PTPRG: variants seen among roughly 807,000 people sequenced by gnomAD.
The protein encoded by PTPRG is protein tyrosine phosphatase receptor type G, also known as receptor-type tyrosine-protein phosphatase gamma.
In PTPRG, 102 loss-of-function variants were observed where a neutral mutation model predicts 165.3. The ratio of observed to expected loss-of-function variants is 0.62; its 90% CI spans 0.53 to 0.73. The LOEUF is 0.73. Among genes scored for constraint, PTPRG ranks in the 30% least tolerant of loss-of-function variants. The pLI, the probability that PTPRG is intolerant of heterozygous loss-of-function variation, is 0.00. For missense variants in PTPRG, 1,866 were observed against 1,861.4 expected (o/e 1.00, Z -0.05); for synonymous variants, 675 against 669.5 (o/e 1.01, Z -0.13).
intron 2 of PTPRG, among the ~76,000 whole-genome samples, chr3:61,833,492 A>G (rs554953344): frequency 1.3e-5 from 2 of 152,258 alleles, no homozygotes; most frequent in African/African-American, 4.8e-5. Flanking sequence ...GTGTGTGCCA[A>G]TGCCCTGGTG....
intron 1 of PTPRG, among the ~76,000 whole-genome samples, chr3:61,672,125 G>C (rs1198380012): frequency 6.7e-6 from 1 of 149,210 alleles, no homozygotes; most frequent in African/African-American, 2.5e-5. Flanking sequence ...GACGATGGGC[G>C]GCCGGGCAGA....
At chr3:61,998,493 A>G (rs1427253918) in intron 3 of PTPRG, among the ~76,000 whole-genome samples, 3 of 152,342 alleles carry the variant, frequency 2.0e-5, no homozygotes, top group East Asian at 1.9e-4. Flanking sequence ...CAGAATAGGA[A>G]CGAAGGCACC....
At chr3:61,744,147 T>C (rs2033105950) in intron 1 of PTPRG, among the ~76,000 whole-genome samples, 1 of 152,190 alleles carries the variant, frequency 6.6e-6, no homozygotes, top group Non-Finnish European at 1.5e-5. Context: ...TCCTTGCCAA[T>C]AAAATATTAA....
chr3:61,939,910 G>T (rs551312925), intron 2 of PTPRG, among the ~76,000 whole-genome samples: 1 of 129,386 alleles, frequency 7.7e-6, no homozygotes, highest in East Asian at 2.4e-4. Flanking sequence ...CCATGTCTTG[G>T]CTTCCTTACT....
chr3:62,057,455 G>A (rs1207314097), intron 4 of PTPRG, among the ~76,000 whole-genome samples: 4 of 152,190 alleles, frequency 2.6e-5, no homozygotes, highest in East Asian at 1.9e-4. Flanking sequence ...CCTGAGACAC[G>A]TCAAGGTATC....
intron 1 of PTPRG, among the ~76,000 whole-genome samples, chr3:61,579,813 T>C (rs922760753): frequency 3.9e-5 from 6 of 152,238 alleles, no homozygotes; most frequent in Non-Finnish European, 8.8e-5. Context: ...ATCTTCATTT[T>C]CTGGCACTTG....
At chr3:62,154,152 T>C (rs564246565) in intron 6 of PTPRG, among the ~76,000 whole-genome samples, 133 of 152,280 alleles carry the variant, frequency 8.7e-4, no homozygotes, top group Non-Finnish European at 1.6e-3. Context: ...TTAACTTATT[T>C]GAGTTGCTGG....
At chr3:61,900,703 G>A (rs953793674) in intron 2 of PTPRG, among the ~76,000 whole-genome samples, 13 of 152,052 alleles carry the variant, frequency 8.5e-5, no homozygotes, top group African/African-American at 3.1e-4. Flanking sequence ...TGGTTGAGGT[G>A]GTAACAAATA....
chr3:61,602,004 T>C (rs189416417), intron 1 of PTPRG, among the ~76,000 whole-genome samples: 1 of 152,304 alleles, frequency 6.6e-6, no homozygotes, highest in Non-Finnish European at 1.5e-5. Flanking sequence ...ACACTGACGT[T>C]GTCCAGGATG....
chr3:62,239,918 T>C lies in PTPRG; in HGVS notation c.2376-3889T>C, dbSNP rs554388907. On this transcript the variant is annotated intron_variant, in intron 14 of 29. Coordinates refer to ENST00000474889, the MANE Select transcript of PTPRG (RefSeq NM_002841.4). ...GTGATATGCAGCTGCTTTTCTTAGGTATTAAACACAGTGTAGAATTTGTAC... is the reference window on the plus strand; with the variant it reads ...GTGATATGCAGCTGCTTTTCTTAGGCATTAAACACAGTGTAGAATTTGTAC... Among the ~76,000 whole-genome samples, 7 of 152,222 alleles carry C rather than the reference T, an allele frequency of 4.6e-5. No homozygotes were observed. In the East Asian group the frequency reaches 1.4e-3, roughly 29 times the overall value.
chr3:62,248,028 T>C (rs1169250639), intron 15 of PTPRG, among the ~76,000 whole-genome samples: 1 of 152,164 alleles, frequency 6.6e-6, no homozygotes, highest in African/African-American at 2.4e-5. Flanking sequence ...GACTTTTTTT[T>C]TTCCCCTGGT....
chr3:62,004,047 C>G (rs553241374), intron 4 of PTPRG, among the ~76,000 whole-genome samples: 1 of 152,092 alleles, frequency 6.6e-6, no homozygotes, highest in East Asian at 1.9e-4. Context: ...TCCTGCTGGA[C>G]AGAAGAAGGG....
intron 2 of PTPRG, among the ~76,000 whole-genome samples, chr3:61,968,095 A>G (rs548041224): frequency 2.1e-4 from 32 of 152,196 alleles, no homozygotes; most frequent in Non-Finnish European, 4.4e-4. Context: ...CTTCCATGAA[A>G]TAATGCTTCT....
At position 62,195,130 on chromosome 3, in the gene PTPRG, C is replaced by T. The variant is rs112710255; in HGVS notation, c.1287C>T (p.Asn429=). Residue 429 remains asparagine (N), a synonymous_variant, in exon 10 of 30, where the codon AAC becomes AAT. Coordinates refer to ENST00000474889, the MANE Select transcript of PTPRG (RefSeq NM_002841.4). The surrounding 1 kb of genome is among the most constrained non-coding windows in gnomAD (Gnocchi z 4.4). Reference sequence around the variant, plus strand: ...TCCGAGTCCAGGCCGTGTGTCGGAACGACATGCGCAGCGACTTTAGCCAGA... The same window carrying T: ...TCCGAGTCCAGGCCGTGTGTCGGAATGACATGCGCAGCGACTTTAGCCAGA... ...YLFRVQAVCR[N]DMRSDFSQTM... The T allele has an allele frequency of 1.3e-4, 203 of 1,614,204 alleles. 1 individual carries two copies. In the African/African-American group the frequency reaches 1.5e-3, roughly 12 times the overall value.
At chr3:61,767,971 CA>C (rs35466366) in intron 2 of PTPRG, among the ~76,000 whole-genome samples, 1,096 of 104,146 alleles carry the variant, frequency 0.011, 8 homozygotes, top group Admixed American at 0.029. Flanking sequence ...GACCCTGTCT[CA>C]AAAAAAAAAA....
chr3:62,164,311 C>T (rs568581193), intron 7 of PTPRG, among the ~76,000 whole-genome samples: 3 of 152,244 alleles, frequency 2.0e-5, no homozygotes, highest in South Asian at 2.1e-4. Context: ...CAGTAGATTT[C>T]GTCACTGCCC....
chr3:62,257,544 T>A (rs1701566754), intron 16 of PTPRG, among the ~76,000 whole-genome samples: 1 of 152,096 alleles, frequency 6.6e-6, no homozygotes, highest in Non-Finnish European at 1.5e-5. Context: ...AAACTACCCA[T>A]GAGAAAACTG....
chr3:62,265,447 C>A (rs964697392), intron 17 of PTPRG, among the ~76,000 whole-genome samples: 1 of 152,080 alleles, frequency 6.6e-6, no homozygotes, highest in Non-Finnish European at 1.5e-5. Context: ...TATATAAATA[C>A]ATTTGTAGGT....
At chr3:61,722,222 T>TACAC (rs111827362) in intron 1 of PTPRG, among the ~76,000 whole-genome samples, 5,899 of 149,004 alleles carry the variant, frequency 0.04, 221 homozygotes, top group African/African-American at 0.1. Context: ...GCAAAACAAA[T>TACAC]ACACACACAC....
Sources: gnomAD v4.1 joint callset for allele counts (sites outside exome capture counted in the v4.1 genomes callset) on GRCh38, gnomAD v4.1.1 for gene constraint, Gnocchi (gnomAD v3.1) non-coding constraint, MANE v1.5 for transcripts, NCBI Gene and HGNC (gene_info 2026-07-23, HGNC 2026-07-21) for gene names.